The following PTPRQ variants were observed in gnomAD, a reference collection of about 807,000 sequenced individuals.
The protein encoded by PTPRQ is protein tyrosine phosphatase receptor type Q, also known as phosphatidylinositol phosphatase PTPRQ.
PTPRQ carries 199 observed loss-of-function variants against 246.0 expected under a neutral mutation model. The observed-to-expected ratio is 0.81, with a 90% confidence interval of 0.72 to 0.91. The LOEUF is 0.91. Ranked by LOEUF, PTPRQ falls within the 40% of genes least tolerant of loss-of-function variation. The pLI, the probability that PTPRQ is intolerant of heterozygous loss-of-function variation, is 0.00. For synonymous variants in PTPRQ, 869 were observed against 853.2 expected (o/e 1.02, Z -0.32); for missense variants, 2,624 against 2,528.4 (o/e 1.04, Z -0.81).
intron 28 of PTPRQ, among the ~76,000 whole-genome samples, chr12:80,612,566 T>C (rs1453757002): frequency 6.6e-6 from 1 of 150,434 alleles, no homozygotes; most frequent in African/African-American, 2.4e-5. Context: ...AGACTGGACC[T>C]CTCATACATT....
chr12:80,578,176 T>C (rs986482915), intron 25 of PTPRQ, among the ~76,000 whole-genome samples: 71 of 150,748 alleles, frequency 4.7e-4, no homozygotes, highest in African/African-American at 1.7e-3. Flanking sequence ...CCCATTAACT[T>C]GTCATTTAGC....
At chr12:80,494,804 G>T in intron 10 of PTPRQ, 129 bp from the exon 11 acceptor site, 1 of 808,152 alleles carries the variant, frequency 1.2e-6, no homozygotes. Context: ...AACTTTAATA[G>T]AGGTGTGCAT....
chr12:80,641,212 C>A (rs1284226491), intron 35 of PTPRQ, among the ~76,000 whole-genome samples: 1 of 152,186 alleles, frequency 6.6e-6, no homozygotes, highest in Non-Finnish European at 1.5e-5. Context: ...CTGGCACAAA[C>A]ATTTTTTGTT....
At position 80,518,838 on chromosome 12, in the gene PTPRQ, G is replaced by A. The variant is rs941807584; in HGVS notation, c.2678+8395G>A. On this transcript the variant is annotated intron_variant, in intron 17 of 44. Coordinates refer to ENST00000644991, the MANE Select transcript of PTPRQ (RefSeq NM_001145026.2). ...TCTATTCTGTTCCATTGGTCTATGT[G>A]TCTGTTTTTATGCCAGTACCATACT... Among the ~76,000 whole-genome samples the A allele has an allele frequency of 4.6e-5, 7 of 152,190 alleles. No individual in the cohort carries two copies. In the South Asian group the frequency reaches 1.2e-3, roughly 27 times the overall value.
chr12:80,668,285 G>A (rs1347774346), intron 39 of PTPRQ, among the ~76,000 whole-genome samples: 1 of 151,798 alleles, frequency 6.6e-6, no homozygotes, highest in Non-Finnish European at 1.5e-5. Context: ...AAATTTCAGA[G>A]AAATTTGATA....
chr12:80,597,891 T>G (rs1737864815), intron 26 of PTPRQ, among the ~76,000 whole-genome samples: 2 of 152,004 alleles, frequency 1.3e-5, no homozygotes, highest in South Asian at 4.1e-4. Flanking sequence ...TTGTAGAAAG[T>G]TGTTTTATAA....
chr12:80,562,937 TA>T (rs934301468), intron 25 of PTPRQ, among the ~76,000 whole-genome samples: 22 of 147,312 alleles, frequency 1.5e-4, no homozygotes, highest in South Asian at 6.4e-4. Flanking sequence ...ACTGCAGACA[TA>T]AAAAAAAAAT....
intron 9 of PTPRQ, among the ~76,000 whole-genome samples, chr12:80,488,024 T>G (rs1384830568): frequency 2.0e-5 from 3 of 151,984 alleles, no homozygotes; most frequent in Non-Finnish European, 4.4e-5. Flanking sequence ...TTTATTTCCT[T>G]TTGGCTTTAG....
intron 25 of PTPRQ, among the ~76,000 whole-genome samples, chr12:80,578,329 T>C (rs966492756): frequency 6.6e-6 from 1 of 150,952 alleles, no homozygotes; most frequent in African/African-American, 2.4e-5. Context: ...TGTTTGGTTT[T>C]TAAAATAAAT....
chr12:80,559,971 G>A (rs979686157), intron 25 of PTPRQ, among the ~76,000 whole-genome samples: 2 of 152,174 alleles, frequency 1.3e-5, no homozygotes, highest in Non-Finnish European at 2.9e-5. Flanking sequence ...AAAACAGTAA[G>A]CAATTTGGGC....
intron 25 of PTPRQ, among the ~76,000 whole-genome samples, chr12:80,574,769 T>C (rs1156333630): frequency 6.6e-6 from 1 of 152,222 alleles, no homozygotes; most frequent in African/African-American, 2.4e-5. Context: ...GTTATACGTG[T>C]CAGCTATATA....
chr12:80,610,403 G>A, intron 27 of PTPRQ, 36 bp from the exon 28 acceptor site: 1 of 1,438,626 alleles, frequency 7.0e-7, no homozygotes. Flanking sequence ...GATTTCAAGT[G>A]CTGCTTCCTT....
chr12:80,660,440 A>G (rs1265820731), intron 39 of PTPRQ, among the ~76,000 whole-genome samples: 2 of 151,996 alleles, frequency 1.3e-5, no homozygotes, highest in Non-Finnish European at 2.9e-5. Flanking sequence ...TTGATGAAGG[A>G]TAGACTGTGA....
chr12:80,558,860 CT>C (rs1896742760), intron 25 of PTPRQ, among the ~76,000 whole-genome samples: 1 of 152,122 alleles, frequency 6.6e-6, no homozygotes, highest in South Asian at 2.1e-4. Flanking sequence ...TTTTTATGTA[CT>C]TATGTACCAT....
chr12:80,503,726 G>T (rs552845461), intron 14 of PTPRQ, among the ~76,000 whole-genome samples: 1 of 151,706 alleles, frequency 6.6e-6, no homozygotes, highest in Non-Finnish European at 1.5e-5. Context: ...CATTATCTTG[G>T]CCACTCTGAT....
chr12:80,523,001 T>G (rs1327410901), intron 17 of PTPRQ, among the ~76,000 whole-genome samples: 1 of 152,180 alleles, frequency 6.6e-6, no homozygotes, highest in Non-Finnish European at 1.5e-5. Flanking sequence ...CGTGGACTTT[T>G]TTTGGTTGGT....
At chr12:80,452,463 A>C (rs1488502595) in intron 3 of PTPRQ, among the ~76,000 whole-genome samples, 3 of 152,134 alleles carry the variant, frequency 2.0e-5, no homozygotes, top group African/African-American at 7.2e-5. Context: ...CCTAGCCTTG[A>C]TGGTCTTTAC....
Position 80,541,505 on chromosome 12 carries a change from CT to C in PTPRQ, c.3155-49del. 2.3e-6 allele frequency: 3 copies of C among 1,329,020 alleles called. No individual in the cohort carries two copies. The South Asian group carries it at 7.6e-5, about 34-fold the overall frequency. 82.3% of individuals were successfully genotyped at this position (1,329,020 alleles called of 1,614,324 possible). The stretch of plus-strand genomic sequence containing the variant: ...TATACTCAGTTTGTGAATTTAGATT[CT>C]GTTTAGGGTAACTGATGATTTTTGT... On this transcript the variant is annotated intron_variant, in intron 20 of 44. Coordinates refer to ENST00000644991, the MANE Select transcript of PTPRQ (RefSeq NM_001145026.2).
intron 18 of PTPRQ, among the ~76,000 whole-genome samples, chr12:80,534,446 G>T (rs868528587): frequency 6.6e-6 from 1 of 152,054 alleles, no homozygotes; most frequent in South Asian, 2.1e-4. Context: ...ATTTTTAAAA[G>T]CACTTAGTAC....
Sources: allele counts gnomAD v4.1 joint callset (sites outside exome capture counted in the v4.1 genomes callset), GRCh38; gene constraint gnomAD v4.1.1; transcripts MANE v1.5; gene names NCBI Gene and HGNC (gene_info 2026-07-23, HGNC 2026-07-21).